The following MAOB variants were observed in gnomAD, a reference collection of about 807,000 sequenced individuals.
MAOB encodes monoamine oxidase B.
A neutral mutation model predicts 41.9 loss-of-function variants in MAOB; 15 were observed. The ratio of observed to expected loss-of-function variants is 0.36; its 90% CI spans 0.24 to 0.55. The LOEUF (loss-of-function observed/expected upper bound fraction) is 0.55, where lower values mean the gene tolerates loss of function less well. Ranked by LOEUF, MAOB falls within the 20% of genes least tolerant of loss-of-function variation. MAOB has a pLI of 0.86. For synonymous variants in MAOB, 167 were observed against 144.2 expected, an observed-to-expected ratio of 1.16 and a Z score of -1.13; for missense variants, 345 against 398.7, an observed-to-expected ratio of 0.87 and a Z score of 1.15.
At chrX:43,854,080 T>C (rs973813326) in intron 1 of MAOB, among the ~76,000 whole-genome samples, 4 of 112,373 alleles carry the variant, frequency 3.6e-5, no homozygotes, top group Non-Finnish European at 7.5e-5. Flanking sequence ...ATGGTTTTTC[T>C]TATGTTGTCA....
rs12007768 is a variant in MAOB at position 43,786,749 on chromosome X, G to T, written c.929-5205C>A. ...CATAGGATGCCAGGCTGGCCAAGGTGGAAGTACTGCTTTCTCGATGTAGGG... is the reference window on the plus strand; with the variant it reads ...CATAGGATGCCAGGCTGGCCAAGGTTGAAGTACTGCTTTCTCGATGTAGGG... On this transcript the variant is annotated intron_variant, in intron 8 of 14. Coordinates refer to ENST00000378069, the MANE Select transcript of MAOB (RefSeq NM_000898.5). 8.2e-3 allele frequency among the ~76,000 whole-genome samples: 911 copies of T among 111,592 alleles called. 10 individuals carry two copies. Among genetic ancestry groups the T allele is most frequent in the African/African-American group, 0.028 (869 of 30,706 alleles).
chrX:43,817,762 C>T (rs767519465), intron 3 of MAOB, among the ~76,000 whole-genome samples: 3 of 112,207 alleles, frequency 2.7e-5, no homozygotes, highest in African/African-American at 9.7e-5. Flanking sequence ...CCTGTCACTC[C>T]CTCTTTCAAC....
chrX:43,772,843 CCCA>C (rs1191601160), intron 12 of MAOB, among the ~76,000 whole-genome samples: 3 of 111,029 alleles, frequency 2.7e-5, no homozygotes, highest in African/African-American at 6.6e-5. Context: ...GGTACCTCTC[CCCA>C]CCACACTTGC....
chrX:43,857,084 AATAT>A (rs1157628579), intron 1 of MAOB, among the ~76,000 whole-genome samples: 116 of 22,703 alleles, frequency 5.1e-3, no homozygotes, highest in East Asian at 7.7e-3. Flanking sequence ...CTATTCTTTA[AATAT>A]ATATATATAT....
intron 3 of MAOB, among the ~76,000 whole-genome samples, chrX:43,819,411 A>G (rs2034856500): frequency 9.0e-6 from 1 of 111,206 alleles, no homozygotes; most frequent in African/African-American, 3.3e-5. Flanking sequence ...ACAGCTCCCA[A>G]GGGCCATCTC....
intron 2 of MAOB, 69 bp from the exon 3 acceptor site, chrX:43,839,074 G>T: frequency 1.2e-6 from 1 of 831,968 alleles, no homozygotes; most frequent in African/African-American, 2.1e-5. Flanking sequence ...AGACAGTCCT[G>T]AAATAAGCAA....
At chrX:43,813,702 A>G (rs1190137042) in intron 3 of MAOB, among the ~76,000 whole-genome samples, 1 of 111,631 alleles carries the variant, frequency 9.0e-6, no homozygotes, top group East Asian at 2.8e-4. Context: ...CTGTCACATC[A>G]GTTCATTCAT....
At chrX:43,847,220 T>C (rs1484835450) in intron 1 of MAOB, among the ~76,000 whole-genome samples, 2 of 111,009 alleles carry the variant, frequency 1.8e-5, no homozygotes, top group East Asian at 2.8e-4. Context: ...GGCGGGCACC[T>C]GTAATCCCAA....
At chrX:43,826,092 A>G (rs2034942766) in intron 3 of MAOB, among the ~76,000 whole-genome samples, 1 of 112,400 alleles carries the variant, frequency 8.9e-6, no homozygotes, top group South Asian at 3.7e-4. Flanking sequence ...GATAACACAT[A>G]AGCTCCACAA....
intron 12 of MAOB, 49 bp downstream of exon 12, chrX:43,775,126 A>G (rs2034238486): frequency 1.0e-6 from 1 of 1,000,031 alleles, no homozygotes. Context: ...TAGGTTTTGG[A>G]TTCAGGTGCA....
At chrX:43,822,345 C>T (rs1400770959) in intron 3 of MAOB, among the ~76,000 whole-genome samples, 1 of 112,169 alleles carries the variant, frequency 8.9e-6, no homozygotes, top group African/African-American at 3.2e-5. Flanking sequence ...TTTTCTTGGT[C>T]CCAAAAGGAG....
intron 3 of MAOB, among the ~76,000 whole-genome samples, chrX:43,810,874 G>T (rs191620062): frequency 8.9e-6 from 1 of 111,816 alleles, no homozygotes; most frequent in Non-Finnish European, 1.9e-5. Context: ...ATTGCTGATG[G>T]TTTTGTGATC....
intron 3 of MAOB, among the ~76,000 whole-genome samples, chrX:43,829,103 C>T (rs1330781313): frequency 8.9e-6 from 1 of 111,734 alleles, no homozygotes; most frequent in Non-Finnish European, 1.9e-5. Flanking sequence ...TAGCAACTGC[C>T]CTTAACATTT....
Position 43,797,265 on chromosome X carries a change from A to T in MAOB, c.478T>A (p.Ser160Thr). The T allele has an allele frequency of 8.5e-7, 1 of 1,180,570 alleles. No individual in the cohort carries two copies. The highest frequency in any genetic ancestry group is 1.8e-5 in the African/African-American group (1 of 57,106). ...ELLDKLCWTE[S>T]AKQLATLFVN... ...AAGAGAGTGGCAAGCTGCTTTGCAGATCTGCACAGGAAGAAACAAGAGCAA... is the reference window on the plus strand; with the variant it reads ...AAGAGAGTGGCAAGCTGCTTTGCAGTTCTGCACAGGAAGAAACAAGAGCAA... The change falls in exon 6 of 15, where the codon TCT becomes ACT. Residue 160 changes from serine to threonine, a missense_variant and splice_region_variant. Physicochemically the swap from Ser to Thr is moderately conservative, Grantham distance 58 (BLOSUM62 1). Transcript: ENST00000378069.
intron 8 of MAOB, among the ~76,000 whole-genome samples, chrX:43,786,305 A>G: frequency 8.9e-6 from 1 of 112,022 alleles, no homozygotes; most frequent in Non-Finnish European, 1.9e-5. Context: ...TAGAAAACCC[A>G]ACAAGAAGAT....
chrX:43,772,566 G>A (rs1263961277), intron 12 of MAOB, among the ~76,000 whole-genome samples: 4 of 112,007 alleles, frequency 3.6e-5, no homozygotes, highest in Non-Finnish European at 3.8e-5. Flanking sequence ...ATCAAGTTTT[G>A]TATTCCTGAA....
At chrX:43,782,948 A>G (rs1202595137) in intron 8 of MAOB, among the ~76,000 whole-genome samples, 1 of 112,001 alleles carries the variant, frequency 8.9e-6, no homozygotes, top group Non-Finnish European at 1.9e-5. Context: ...ACAGCCCTTC[A>G]TACTAAAAAC....
intron 11 of MAOB, among the ~76,000 whole-genome samples, chrX:43,778,006 C>T (rs945104325): frequency 5.4e-5 from 6 of 110,887 alleles, no homozygotes; most frequent in Admixed American, 4.8e-4. Flanking sequence ...CCCTACCCTG[C>T]CCCTATCCCA....
At chrX:43,879,156 C>T (rs2035458596) in intron 1 of MAOB, among the ~76,000 whole-genome samples, 1 of 111,518 alleles carries the variant, frequency 9.0e-6, no homozygotes, top group African/African-American at 3.3e-5. Flanking sequence ...GATGATCTGC[C>T]CCTTGGGTAA....
Sources: gnomAD v4.1 joint callset for allele counts (sites outside exome capture counted in the v4.1 genomes callset) on GRCh38, gnomAD v4.1.1 for gene constraint, MANE v1.5 for transcripts, NCBI Gene and HGNC (gene_info 2026-07-23, HGNC 2026-07-21) for gene names.